The following OLFM2 variants were observed in gnomAD, a reference collection of about 807,000 sequenced individuals.
The protein encoded by OLFM2 is olfactomedin 2, also known as noelin-2.
A neutral mutation model predicts 43.9 loss-of-function variants in OLFM2; 20 were observed. That is an observed-to-expected ratio of 0.46 (90% confidence interval 0.32 to 0.66). The LOEUF (loss-of-function observed/expected upper bound fraction) is 0.66. Among genes scored for constraint, OLFM2 ranks in the 30% least tolerant of loss-of-function variants. OLFM2 has a pLI of 0.04. For missense variants in OLFM2, 416 were observed against 643.6 expected, an observed-to-expected ratio of 0.65 and a Z score of 3.83; for synonymous variants, 268 against 278.6, an observed-to-expected ratio of 0.96 and a Z score of 0.38.
chr19:9,907,913 G>A (rs571298621), intron 1 of OLFM2, among the ~76,000 whole-genome samples: 118 of 152,172 alleles, frequency 7.8e-4, no homozygotes, highest in African/African-American at 2.8e-3. Context: ...GCTGAGGCAG[G>A]AGAATCGCTT....
At chr19:9,880,145 C>T (rs974697543) in intron 1 of OLFM2, among the ~76,000 whole-genome samples, 1 of 152,072 alleles carries the variant, frequency 6.6e-6, no homozygotes, top group Non-Finnish European at 1.5e-5. Context: ...ATTACAGATG[C>T]GAGCCACTGT....
chr19:9,900,049 C>G (rs926638902), intron 1 of OLFM2, among the ~76,000 whole-genome samples: 1 of 152,078 alleles, frequency 6.6e-6, no homozygotes, highest in East Asian at 1.9e-4. Context: ...GACAAATGAG[C>G]GAATCATGGC....
chr19:9,880,204 G>C (rs1470965120), intron 1 of OLFM2, among the ~76,000 whole-genome samples: 1 of 152,180 alleles, frequency 6.6e-6, no homozygotes, highest in Admixed American at 6.6e-5. Flanking sequence ...CCTTCTGGAA[G>C]ATGCAATAGC....
chr19:9,899,117 TAGAC>T (rs1339214456), intron 1 of OLFM2, among the ~76,000 whole-genome samples: 1 of 151,632 alleles, frequency 6.6e-6, no homozygotes, highest in African/African-American at 2.4e-5. Context: ...ATACAAAAAT[TAGAC>T]AGGCGTGGTG....
At chr19:9,912,968 G>T (rs1347988594) in intron 1 of OLFM2, among the ~76,000 whole-genome samples, 1 of 146,020 alleles carries the variant, frequency 6.8e-6, no homozygotes, top group Non-Finnish European at 1.5e-5. Context: ...CAGGGGAAAT[G>T]AATAGAGACT....
chr19:9,860,598 C>T (rs1409820922), intron 2 of OLFM2, 47 bp downstream of exon 2: 19 of 1,550,140 alleles, frequency 1.2e-5, no homozygotes, highest in Non-Finnish European at 1.6e-5. Flanking sequence ...GGGGTGAGAA[C>T]TGGGAGATTT....
At position 9,936,418 on chromosome 19, in the gene OLFM2, G is replaced by C. The variant is rs2086515419; in HGVS notation, c.-52C>G. The C allele has an allele frequency of 1.2e-5, 14 of 1,194,664 alleles. No homozygotes were observed. The highest frequency in any genetic ancestry group is 1.5e-5 in the Non-Finnish European group (14 of 964,356). 74.0% of individuals were successfully genotyped at this position (1,194,664 alleles called of 1,614,324 possible). ...CCCCCGCCCGCCCTAGCGGCGCCTCGGCGCGGGGACCGCCACCAGGCGCGA... is the reference window on the plus strand; with the variant it reads ...CCCCCGCCCGCCCTAGCGGCGCCTCCGCGCGGGGACCGCCACCAGGCGCGA... On this transcript the variant is annotated 5_prime_UTR_variant, in exon 1 of 6. Transcript: ENST00000264833.
chr19:9,928,504 A>G (rs1277014541), intron 1 of OLFM2, among the ~76,000 whole-genome samples: 1 of 152,028 alleles, frequency 6.6e-6, no homozygotes, highest in Admixed American at 6.6e-5. Flanking sequence ...CCCAGGAGCA[A>G]CAAGAACAAC....
At position 9,857,795 on chromosome 19, in the gene OLFM2, G is replaced by C; in HGVS notation, c.280C>G (p.Arg94Gly). Reference protein sequence around the residue: ...LRTYRDLQYVRGMETLMRSLD... With the variant: ...LRTYRDLQYVGGMETLMRSLD... ...CTCCGCATGAGGGTCTCCATGCCGC[G>C]TACATACTGGAGGTCGCGATACGTC... The change falls in exon 3 of 6, where the codon CGC becomes GGC. Residue 94 changes from arginine to glycine, a missense_variant. Coordinates refer to ENST00000264833, the MANE Select transcript of OLFM2 (RefSeq NM_058164.4). This position sits in a 1 kb window ranked among gnomAD's most constrained non-coding sequence, Gnocchi z 5.7. The C allele has an allele frequency of 1.2e-6, 2 of 1,614,094 alleles. No homozygotes were observed. Among genetic ancestry groups the C allele is most frequent in the Non-Finnish European group, 1.7e-6 (2 of 1,180,016 alleles).
intron 1 of OLFM2, among the ~76,000 whole-genome samples, chr19:9,878,906 G>A (rs571320091): frequency 6.6e-6 from 1 of 152,234 alleles, no homozygotes; most frequent in Admixed American, 6.5e-5. Flanking sequence ...GAGCACAGTG[G>A]CGCAGTCATG....
Position 9,936,510 on chromosome 19 carries a change from C to T in OLFM2, c.-144G>A. ...CCCGCCTCGCCGGCGGCCGGGATTC[C>T]GCCCCACCCCCGCCCCCTCGCTCGC... On this transcript the variant is annotated 5_prime_UTR_variant, in exon 1 of 6. Transcript: ENST00000264833. The T allele has an allele frequency of 2.6e-6, 1 of 388,358 alleles. No homozygotes were observed. Among genetic ancestry groups the T allele is most frequent in the Non-Finnish European group, 3.5e-6 (1 of 284,188 alleles). The allele number at this position is 388,358 out of a possible 1,614,324, so 24.1% of individuals were successfully genotyped here. A position where few individuals can be genotyped will look rare whatever the true frequency, so the allele number is the denominator to read the frequency against.
chr19:9,933,426 C>T (rs1481711772), intron 1 of OLFM2, among the ~76,000 whole-genome samples: 9 of 151,858 alleles, frequency 5.9e-5, no homozygotes, highest in East Asian at 3.9e-4. Flanking sequence ...TTAGTAGAGA[C>T]GGGGTTTCAC....
chr19:9,892,317 A>C (rs2046647030), intron 1 of OLFM2, among the ~76,000 whole-genome samples: 1 of 152,182 alleles, frequency 6.6e-6, no homozygotes, highest in South Asian at 2.1e-4. Flanking sequence ...CATACAGCCA[A>C]CACCACAGGG....
At chr19:9,879,067 A>T (rs2046516492) in intron 1 of OLFM2, among the ~76,000 whole-genome samples, 1 of 152,118 alleles carries the variant, frequency 6.6e-6, no homozygotes, top group South Asian at 2.1e-4. Context: ...GTGGGAGGTG[A>T]CTGGATCATG....
intron 1 of OLFM2, among the ~76,000 whole-genome samples, chr19:9,895,671 T>C (rs756014489): frequency 2.6e-5 from 4 of 152,198 alleles, no homozygotes; most frequent in Non-Finnish European, 5.9e-5. Context: ...AGTCTCGCTC[T>C]GTCGTCCAGG....
At chr19:9,935,441 C>A (rs570958573) in intron 1 of OLFM2, among the ~76,000 whole-genome samples, 1 of 151,994 alleles carries the variant, frequency 6.6e-6, no homozygotes. Context: ...GAGGGAGACC[C>A]GCTTCTGTAA....
In OLFM2 at chr19:9,853,829, G is replaced by C. The variant is rs1357472505; in HGVS notation, c.*357C>G. 1 of 480,488 alleles carries C rather than the reference G, an allele frequency of 2.1e-6. No homozygotes were observed. The highest frequency in any genetic ancestry group is 2.0e-5 in the African/African-American group (1 of 49,468). 29.8% of individuals were successfully genotyped at this position (480,488 alleles called of 1,614,324 possible). ...TGGGGGTGGGGGTGGGGGTGGGAGTGAGGGATGAGGAATGGGTGGGAAGCA... is the reference window on the plus strand; with the variant it reads ...TGGGGGTGGGGGTGGGGGTGGGAGTCAGGGATGAGGAATGGGTGGGAAGCA... On this transcript the variant is annotated 3_prime_UTR_variant, in exon 6 of 6. Coordinates refer to ENST00000264833, the MANE Select transcript of OLFM2 (RefSeq NM_058164.4).
At chr19:9,906,626 G>A (rs114305564) in intron 1 of OLFM2, among the ~76,000 whole-genome samples, 2,033 of 152,196 alleles carry the variant, frequency 0.013, 39 homozygotes, top group African/African-American at 0.046. Context: ...AAACCGAACT[G>A]CAGAGTCAGA....
chr19:9,913,622 C>A, intron 1 of OLFM2: 1 of 1,296,148 alleles, frequency 7.7e-7, no homozygotes. Context: ...CGACATCGCG[C>A]CTCCGCCTCA....
Sources: allele counts gnomAD v4.1 joint callset (sites outside exome capture counted in the v4.1 genomes callset), GRCh38; gene constraint gnomAD v4.1.1; non-coding constraint Gnocchi (gnomAD v3.1); transcripts MANE v1.5; gene names NCBI Gene and HGNC (gene_info 2026-07-23, HGNC 2026-07-21).